The following YTHDC1 variants were observed in gnomAD, a reference collection of about 807,000 sequenced individuals.
The protein encoded by YTHDC1 is YTH domain-containing protein 1.
In YTHDC1, 12 loss-of-function variants were observed where a neutral mutation model predicts 107.0. The ratio of observed to expected loss-of-function variants is 0.11; its 90% CI spans 0.07 to 0.18. The LOEUF (loss-of-function observed/expected upper bound fraction) is 0.18. Ranked by LOEUF, YTHDC1 falls within the 10% of genes least tolerant of loss-of-function variation. The pLI is 1.00. For missense variants in YTHDC1, 635 were observed against 898.8 expected (o/e 0.71, Z 3.75); for synonymous variants, 280 against 289.5 (o/e 0.97, Z 0.33).
At chr4:68,334,072 G>A (rs1272228193) in intron 4 of YTHDC1, among the ~76,000 whole-genome samples, 1 of 152,052 alleles carries the variant, frequency 6.6e-6, no homozygotes, top group Non-Finnish European at 1.5e-5. Context: ...AAATAGAAAA[G>A]GTTTGGATTA....
At position 68,324,240 on chromosome 4, in the gene YTHDC1, A is replaced by G; in HGVS notation, c.1350-17T>C. The G allele has an allele frequency of 6.3e-7, 1 of 1,594,836 alleles. No homozygotes were observed. On this transcript the variant is annotated splice_polypyrimidine_tract_variant and intron_variant, in intron 9 of 16. Transcript: ENST00000344157. ...AATTCACGCCTAAATACAAAGTAAT[A>G]TCAATTACATTCTTCTGCAGAATCC...
intron 15 of YTHDC1, among the ~76,000 whole-genome samples, chr4:68,316,832 G>A (rs948268699): frequency 3.9e-5 from 6 of 152,264 alleles, no homozygotes; most frequent in African/African-American, 1.4e-4. Context: ...TAAGTAACCT[G>A]CTTATAGTCA....
In YTHDC1 at chr4:68,310,553, T is replaced by C. The variant is rs749138047; in HGVS notation, c.*3546A>G. On this transcript the variant is annotated 3_prime_UTR_variant, in exon 17 of 17. Coordinates refer to ENST00000344157, the MANE Select transcript of YTHDC1 (RefSeq NM_001031732.4). ...CTACATGATAGATAACAGAATACTA[T>C]GCATGGATTGCTTATACTCTAAGGA... is the stretch of plus-strand genomic sequence containing the variant. The C allele has an allele frequency of 2.0e-5, 3 of 152,190 alleles. No individual in the cohort carries two copies. Among genetic ancestry groups the C allele is most frequent in the Non-Finnish European group, 4.4e-5 (3 of 68,028 alleles). The allele number at this position is 152,190 out of a possible 1,614,324, so 9.4% of individuals were successfully genotyped here.
intron 9 of YTHDC1, among the ~76,000 whole-genome samples, chr4:68,328,217 C>A (rs921261763): frequency 6.6e-6 from 1 of 151,982 alleles, no homozygotes; most frequent in African/African-American, 2.4e-5. Flanking sequence ...CTGCTGCAAC[C>A]CACATAAAAA....
In YTHDC1 at chr4:68,311,703, A is replaced by C. The variant is rs917898963; in HGVS notation, c.*2396T>G. The C allele has an allele frequency of 6.6e-6, 1 of 152,248 alleles. No individual in the cohort carries two copies. The highest frequency in any genetic ancestry group is 2.4e-5 in the African/African-American group (1 of 41,464). The allele number at this position is 152,248 out of a possible 1,614,324, so 9.4% of individuals were successfully genotyped here. ...TATGTGAGCCAACAGAATTGTTTAG[A>C]ATAGTGCCAGATACTTGGTAAAAAC... is the stretch of plus-strand genomic sequence containing the variant. On this transcript the variant is annotated 3_prime_UTR_variant, in exon 17 of 17. Transcript: ENST00000344157.
chr4:68,337,017 A>G lies in YTHDC1; in HGVS notation c.883+10T>C. The G allele has an allele frequency of 6.4e-7, 1 of 1,562,026 alleles. No homozygotes were observed. The highest frequency in any genetic ancestry group is 8.7e-7 in the Non-Finnish European group (1 of 1,155,072). ...TTTTAAGACAAACTTTTACATATAA[A>G]AAGTAGTACCTGATCCATCTGTGCC... On this transcript the variant is annotated intron_variant, in intron 4 of 16. Coordinates refer to ENST00000344157, the MANE Select transcript of YTHDC1 (RefSeq NM_001031732.4).
In YTHDC1 at chr4:68,337,420, T is replaced by C; in HGVS notation, c.490A>G (p.Ser164Gly). The C allele has an allele frequency of 6.2e-7, 1 of 1,614,150 alleles. No homozygotes were observed. The highest frequency in any genetic ancestry group is 2.2e-5 in the East Asian group (1 of 44,880). ...RIGLEVDRRASRSSQSSKEEV... is the reference protein window; with the variant it reads ...RIGLEVDRRAGRSSQSSKEEV... ...TCCTTAGAAGACTGGCTGGATCTGC[T>C]TGCACGTCTATCCACTTCAAGCCCA... is the stretch of plus-strand genomic sequence containing the variant. The change falls in exon 4 of 17, where the codon AGC (serine) becomes GGC (glycine). Residue 164 changes from serine to glycine, a missense_variant. Around this residue, in one of 5 missense-constraint regions of YTHDC1, gnomAD observed 294 missense variants for 312.3 expected, o/e 0.94. Coordinates refer to ENST00000344157, the MANE Select transcript of YTHDC1 (RefSeq NM_001031732.4).
Position 68,349,871 on chromosome 4 carries a change from C to A in YTHDC1, c.-118G>T. On this transcript the variant is annotated 5_prime_UTR_variant, in exon 1 of 17. Coordinates refer to ENST00000344157, the MANE Select transcript of YTHDC1 (RefSeq NM_001031732.4). ...CCGTCAGTCCGTCTGCCCGGATACG[C>A]GCGTCGCACTTGGCCTCTTAACACT... The A allele has an allele frequency of 1.4e-6, 2 of 1,442,154 alleles. No homozygotes were observed. The highest frequency in any genetic ancestry group is 2.4e-5 in the South Asian group (2 of 84,894). 89.3% of individuals were successfully genotyped at this position (1,442,154 alleles called of 1,614,324 possible). A position where few individuals can be genotyped will look rare whatever the true frequency, so the allele number is the denominator to read the frequency against.
intron 2 of YTHDC1, 30 bp from the exon 3 acceptor site, chr4:68,337,930 A>G (rs767953664): frequency 1.1e-5 from 18 of 1,578,348 alleles, no homozygotes; most frequent in African/African-American, 1.4e-5. Context: ...AAAAAAAAAA[A>G]GAAGTATTTG....
chr4:68,318,109 T>C (rs76132675), intron 15 of YTHDC1, among the ~76,000 whole-genome samples: 6,623 of 152,300 alleles, frequency 0.043, 451 homozygotes, highest in African/African-American at 0.15. Flanking sequence ...GTATTTTAAG[T>C]CTTTTTGAGA....
chr4:68,349,620 T>G, intron 1 of YTHDC1, 106 bp downstream of exon 1: 1 of 551,150 alleles, frequency 1.8e-6, no homozygotes. Context: ...CGAGGCCAGC[T>G]AACCTCCCCA....
intron 7 of YTHDC1, among the ~76,000 whole-genome samples, chr4:68,331,724 T>C (rs923632033): frequency 6.6e-6 from 1 of 151,836 alleles, no homozygotes; most frequent in African/African-American, 2.4e-5. Context: ...AACCTCAAAG[T>C]GTAAATCAAG....
At chr4:68,328,124 T>C (rs565467760) in intron 9 of YTHDC1, among the ~76,000 whole-genome samples, 12 of 152,272 alleles carry the variant, frequency 7.9e-5, no homozygotes, top group Middle Eastern at 3.4e-3. Context: ...CATGAAAAAT[T>C]AAATTCATCT....
In YTHDC1 at chr4:68,322,979, C is replaced by T. The variant is rs1722595428; in HGVS notation, c.1435-64G>A. ...ACCCTTTCAACAGACTTGCATTTTC[C>T]TGATGTACCAGAACAAAAACTGACT... On this transcript the variant is annotated intron_variant, in intron 10 of 16. Coordinates refer to ENST00000344157, the MANE Select transcript of YTHDC1 (RefSeq NM_001031732.4). This position sits in a 1 kb window ranked among gnomAD's most constrained non-coding sequence, Gnocchi z 4.8. The T allele has an allele frequency of 2.6e-6, 4 of 1,533,782 alleles. No individual in the cohort carries two copies. Among genetic ancestry groups the T allele is most frequent in the Admixed American group, 3.7e-5 (2 of 54,486 alleles).
At chr4:68,342,549 TTACTA>T (rs754624833) in intron 1 of YTHDC1, among the ~76,000 whole-genome samples, 4 of 152,318 alleles carry the variant, frequency 2.6e-5, no homozygotes, top group South Asian at 4.1e-4. Context: ...GTTTCCAAAA[TTACTA>T]TAGTTTTATT....
In YTHDC1 at chr4:68,312,762, C is replaced by T. The variant is rs1346233109; in HGVS notation, c.*1337G>A. On this transcript the variant is annotated 3_prime_UTR_variant, in exon 17 of 17. Coordinates refer to ENST00000344157, the MANE Select transcript of YTHDC1 (RefSeq NM_001031732.4). Reference sequence around the variant, plus strand: ...CTGGTACACAGTACAACTGTTGATACTATAAAAAAATCAAACATTCAAATA... The same window carrying T: ...CTGGTACACAGTACAACTGTTGATATTATAAAAAAATCAAACATTCAAATA... The T allele has an allele frequency of 6.6e-6, 1 of 152,054 alleles. No individual in the cohort carries two copies. The highest frequency in any genetic ancestry group is 2.4e-5 in the African/African-American group (1 of 41,394). The allele number at this position is 152,054 out of a possible 1,614,324, so 9.4% of individuals were successfully genotyped here.
In YTHDC1 at chr4:68,349,833, A is replaced by G; in HGVS notation, c.-80T>C. 1 of 1,598,374 alleles carries G rather than the reference A, an allele frequency of 6.3e-7. No homozygotes were observed. The highest frequency in any genetic ancestry group is 8.6e-7 in the Non-Finnish European group (1 of 1,169,188). On this transcript the variant is annotated 5_prime_UTR_variant, in exon 1 of 17. Transcript: ENST00000344157. ...GCGCGGGCGCCGCAGCCGCGGCAGAAGCACGGGCCCGTCCGTCAGTCCGTC... is the reference window on the plus strand; with the variant it reads ...GCGCGGGCGCCGCAGCCGCGGCAGAGGCACGGGCCCGTCCGTCAGTCCGTC...
Position 68,330,031 on chromosome 4 carries a change from T to A in YTHDC1, c.1320A>T (p.Gly440=). Residue 440 remains glycine (G), a synonymous_variant, in exon 9 of 17, where the codon GGA becomes GGT. Coordinates refer to ENST00000344157, the MANE Select transcript of YTHDC1 (RefSeq NM_001031732.4). ...LPAGMSAKML[G]GVFKIDWICR... ...AAATCCAGTCAATTTTAAAGACACC[T>A]CCCAGCATTTTAGCACTCATTCCTG... 1 of 1,613,706 alleles carries A rather than the reference T, an allele frequency of 6.2e-7. No individual in the cohort carries two copies. The highest frequency in any genetic ancestry group is 8.5e-7 in the Non-Finnish European group (1 of 1,179,700).
rs1488522664 is a variant in YTHDC1 at position 68,316,433 on chromosome 4, T to C, written c.1840A>G (p.Met614Val). 2.5e-6 allele frequency: 4 copies of C among 1,613,622 alleles called. No individual in the cohort carries two copies. The highest frequency in any genetic ancestry group is 1.1e-5 in the South Asian group (1 of 90,994). Residue 614 changes from methionine (M) to valine (V), a missense_variant, in exon 16 of 17, where the codon ATG becomes GTG. Physicochemically the swap from Met to Val is conservative, Grantham distance 21. Coordinates refer to ENST00000344157, the MANE Select transcript of YTHDC1 (RefSeq NM_001031732.4). Reference sequence around the variant, plus strand: ...TAAGGATGGTGTGGAGGTTGTTCCATTCCTGGGTAAGGGGGCTAAAAAAGG... The same window carrying C: ...TAAGGATGGTGTGGAGGTTGTTCCACTCCTGGGTAAGGGGGCTAAAAAAGG... ...PWQGMPPYPGMEQPPHHPYYQ... is the reference protein window; with the variant it reads ...PWQGMPPYPGVEQPPHHPYYQ...
Sources: gnomAD v4.1 joint callset for allele counts (sites outside exome capture counted in the v4.1 genomes callset) on GRCh38, gnomAD v4.1.1 for gene constraint, gnomAD v4.1.1 regional missense constraint, Gnocchi (gnomAD v3.1) non-coding constraint, MANE v1.5 for transcripts, NCBI Gene and HGNC (gene_info 2026-07-23, HGNC 2026-07-21) for gene names.